The following TMEM272 variants were observed in gnomAD, a reference collection of about 807,000 sequenced individuals.
TMEM272 encodes long intergenic non-protein coding RNA 282.
TMEM272 carries 8 observed loss-of-function variants against 3.7 expected under a neutral mutation model. The observed-to-expected ratio is 2.17, with a 90% CI of 1.27 to 3.91. TMEM272 has a LOEUF of 3.91. TMEM272 is among the 30% of genes most tolerant of loss of function. The pLI is 0.00. For missense variants in TMEM272, 166 were observed against 91.5 expected (o/e 1.81, Z -3.32); for synonymous variants, 63 against 39.8 (o/e 1.58, Z -2.20).
intron 2 of TMEM272, among the ~76,000 whole-genome samples, chr13:51,828,884 C>A (rs1362701757): frequency 6.6e-6 from 1 of 152,214 alleles, no homozygotes; most frequent in Non-Finnish European, 1.5e-5. Context: ...GATTTACTTC[C>A]ATTTGAACCA....
the TMEM272 span, among the ~76,000 whole-genome samples, chr13:51,852,572 T>G: frequency 6.6e-6 from 1 of 152,172 alleles, no homozygotes; most frequent in East Asian, 1.9e-4. Flanking sequence ...TTGATCTACT[T>G]TTCCAGGAAA....
chr13:51,855,529 T>C, the TMEM272 span, among the ~76,000 whole-genome samples: 1 of 152,200 alleles, frequency 6.6e-6, no homozygotes, highest in South Asian at 2.1e-4. Flanking sequence ...GACTTTAAAA[T>C]AACTACAATT....
chr13:51,856,619 T>G, the TMEM272 span, among the ~76,000 whole-genome samples: 1 of 152,184 alleles, frequency 6.6e-6, no homozygotes, highest in Non-Finnish European at 1.5e-5. Context: ...TCTCTTACCG[T>G]CATCATTTTG....
At chr13:51,866,091 G>C in the TMEM272 span, 3 of 1,552,182 alleles carry the variant, frequency 1.9e-6, no homozygotes, top group Middle Eastern at 1.7e-4. Context: ...CCAGCATGCA[G>C]GTGCAGGGCC....
chr13:51,862,357 A>C, the TMEM272 span: 1 of 152,234 alleles, frequency 6.6e-6, no homozygotes, highest in South Asian at 2.1e-4. Context: ...TCTTTAGTGC[A>C]TGTTTTTACA....
At chr13:51,921,890 T>C in the TMEM272 span, among the ~76,000 whole-genome samples, 1 of 152,186 alleles carries the variant, frequency 6.6e-6, no homozygotes, top group African/African-American at 2.4e-5. Flanking sequence ...CTCATCAGTA[T>C]CCCTCCCCAC....
chr13:51,905,782 C>G, the TMEM272 span, among the ~76,000 whole-genome samples: 1 of 152,246 alleles, frequency 6.6e-6, no homozygotes, highest in Admixed American at 6.5e-5. Context: ...CCTCATTAGC[C>G]TCGGTTAATG....
chr13:51,916,536 T>C, the TMEM272 span, among the ~76,000 whole-genome samples: 2 of 152,170 alleles, frequency 1.3e-5, no homozygotes, highest in East Asian at 3.9e-4. Context: ...GCATTTTAGT[T>C]TAGAGAAAGG....
chr13:51,830,871 AG>A (rs1956167512), intron 2 of TMEM272, among the ~76,000 whole-genome samples: 1 of 152,042 alleles, frequency 6.6e-6, no homozygotes, highest in Admixed American at 6.5e-5. Flanking sequence ...TCACCACTCT[AG>A]GTCTAAAGAG....
the TMEM272 span, among the ~76,000 whole-genome samples, chr13:51,871,099 C>G: frequency 1.3e-5 from 2 of 152,104 alleles, no homozygotes; most frequent in African/African-American, 4.8e-5. Context: ...GATTCTCCCC[C>G]TCTGGTATGC....
chr13:51,925,723 C>G, the TMEM272 span, among the ~76,000 whole-genome samples: 1 of 152,144 alleles, frequency 6.6e-6, no homozygotes, highest in African/African-American at 2.4e-5. Context: ...TGGCTTTCCC[C>G]TAAACACCCC....
At chr13:51,838,276 A>G (rs1956232754) in intron 2 of TMEM272, among the ~76,000 whole-genome samples, 197 bp downstream of exon 2, 1 of 152,200 alleles carries the variant, frequency 6.6e-6, no homozygotes, top group Non-Finnish European at 1.5e-5. Flanking sequence ...TGGAAAACTA[A>G]AGATGAATTG....
chr13:51,837,175 G>A (rs1417242046), intron 2 of TMEM272, among the ~76,000 whole-genome samples: 2 of 152,224 alleles, frequency 1.3e-5, no homozygotes, highest in East Asian at 3.8e-4. Context: ...GATTTACAGT[G>A]CAGCCAGGAA....
At chr13:51,837,179 C>G (rs1015651635) in intron 2 of TMEM272, among the ~76,000 whole-genome samples, 2 of 152,212 alleles carry the variant, frequency 1.3e-5, no homozygotes, top group African/African-American at 4.8e-5. Context: ...TACAGTGCAG[C>G]CAGGAAACAT....
At chr13:51,908,366 T>C in the TMEM272 span, 1 of 1,499,630 alleles carries the variant, frequency 6.7e-7, no homozygotes, top group Admixed American at 1.7e-5. Context: ...AACCCCTCGG[T>C]GGACAGACAT....
At position 51,814,440 on chromosome 13, in the gene TMEM272, C is replaced by T. The variant is rs1345038074; in HGVS notation, c.*2311G>A. The T allele has an allele frequency of 2.6e-5, 4 of 152,220 alleles. No individual in the cohort carries two copies. Among genetic ancestry groups the T allele is most frequent in the Non-Finnish European group, 5.9e-5 (4 of 68,052 alleles). The allele number at this position is 152,220 out of a possible 1,614,324, so 9.4% of individuals were successfully genotyped here. A position where few individuals can be genotyped will look rare whatever the true frequency, so the allele number is the denominator to read the frequency against. ...CATGAACATTTTCTTTAGGATCTAA[C>T]CTGTTTCCCCAGAAGGGGGTAATTT... is the stretch of plus-strand genomic sequence containing the variant. On this transcript the variant is annotated 3_prime_UTR_variant, in exon 5 of 5. Transcript: ENST00000629372.
the TMEM272 span, among the ~76,000 whole-genome samples, chr13:51,893,635 T>C: frequency 6.6e-6 from 1 of 152,012 alleles, no homozygotes; most frequent in Non-Finnish European, 1.5e-5. Flanking sequence ...CCTCTTCACA[T>C]TGAGAATGTG....
the TMEM272 span, among the ~76,000 whole-genome samples, chr13:51,912,337 T>C: frequency 2.0e-5 from 3 of 152,172 alleles, no homozygotes; most frequent in Admixed American, 2.0e-4. Flanking sequence ...CTGCTACCAG[T>C]GGCTGTTCTG....
intron 2 of TMEM272, among the ~76,000 whole-genome samples, chr13:51,826,855 C>A (rs148126158): frequency 2.6e-5 from 4 of 152,272 alleles, no homozygotes; most frequent in African/African-American, 9.6e-5. Flanking sequence ...TTTGCCGATG[C>A]CAAGGCCCAG....
Sources: gnomAD v4.1 joint callset for allele counts (sites outside exome capture counted in the v4.1 genomes callset) on GRCh38, gnomAD v4.1.1 for gene constraint, MANE v1.5 for transcripts, NCBI Gene and HGNC (gene_info 2026-07-23, HGNC 2026-07-21) for gene names.